Variants in KIF1A observed in about 807,000 individuals in gnomAD.
The protein encoded by KIF1A is kinesin-like protein KIF1A.
A neutral mutation model predicts 227.3 loss-of-function variants in KIF1A; 46 were observed. That is an observed-to-expected ratio of 0.20 (90% CI 0.16 to 0.26). The LOEUF is 0.26. Ranked by LOEUF, KIF1A falls within the 10% of genes least tolerant of loss-of-function variation. The pLI is 1.00. For synonymous variants in KIF1A, 1,022 were observed against 1,012.8 expected (o/e 1.01, Z -0.17); for missense variants, 1,683 against 2,485.9 (o/e 0.68, Z 6.87).
Position 240,758,760 on chromosome 2 carries a change from C to A in KIF1A, c.2445-263G>T, listed in dbSNP as rs763985530. Among the ~76,000 whole-genome samples the A allele has an allele frequency of 2.6e-5, 4 of 152,082 alleles. No individual in the cohort carries two copies. The highest frequency in any genetic ancestry group is 9.7e-5 in the African/African-American group (4 of 41,412). On this transcript the variant is annotated intron_variant, in intron 25 of 48. Transcript: ENST00000498729. This position sits in a 1 kb window ranked among gnomAD's most constrained non-coding sequence, Gnocchi z 5.2. ...TCCCTCCAGGGGGTGGGCTGGGGAA[C>A]AAGCAGTGAGGGGCTAGAGGGGCTG...
chr2:240,796,034 G>A (rs1004535324), intron 2 of KIF1A, among the ~76,000 whole-genome samples: 12 of 152,306 alleles, frequency 7.9e-5, no homozygotes, highest in Admixed American at 7.2e-4. Flanking sequence ...GATTCACAGG[G>A]CCCTCCCTGA....
At chr2:240,781,774 T>G in intron 10 of KIF1A, 1 of 979,968 alleles carries the variant, frequency 1.0e-6, no homozygotes, top group Non-Finnish European at 1.2e-6. Context: ...ACAGGGGCCC[T>G]CAGCTTCCTC....
chr2:240,777,239 T>C (rs2052871874), intron 10 of KIF1A, among the ~76,000 whole-genome samples: 1 of 151,970 alleles, frequency 6.6e-6, no homozygotes, highest in East Asian at 1.9e-4. Context: ...AGAGACAGGG[T>C]TTCACCACGT....
chr2:240,810,428 A>G (rs1202756550), intron 1 of KIF1A, among the ~76,000 whole-genome samples: 1 of 152,180 alleles, frequency 6.6e-6, no homozygotes, highest in East Asian at 1.9e-4. Context: ...GGCACACCAA[A>G]CGCTGTCAGA....
At position 240,757,224 on chromosome 2, in the gene KIF1A, C is replaced by T. The variant is rs1477809586; in HGVS notation, c.2858+95G>A. 7.7e-6 allele frequency: 10 copies of T among 1,303,370 alleles called. No individual in the cohort carries two copies. Among genetic ancestry groups the T allele is most frequent in the African/African-American group, 1.5e-5 (1 of 68,200 alleles). 80.7% of individuals were successfully genotyped at this position (1,303,370 alleles called of 1,614,324 possible). On this transcript the variant is annotated intron_variant, in intron 27 of 48. Coordinates refer to ENST00000498729, the MANE Select transcript of KIF1A (RefSeq NM_001244008.2). This position sits in a 1 kb window ranked among gnomAD's most constrained non-coding sequence, Gnocchi z 6.2. ...CTGCCTCGCCTGCCCTGGGAGGGCC[C>T]GGGCCAGGCCCCAGCGGTTCCTCTG...
intron 38 of KIF1A, among the ~76,000 whole-genome samples, chr2:240,727,634 G>A (rs967267563): frequency 6.6e-6 from 1 of 152,172 alleles, no homozygotes; most frequent in Non-Finnish European, 1.5e-5. Flanking sequence ...AGACAGCGGC[G>A]GCCTCGCTGT....
chr2:240,772,157 C>A (rs1054790399), intron 14 of KIF1A, among the ~76,000 whole-genome samples: 1 of 152,164 alleles, frequency 6.6e-6, no homozygotes, highest in Non-Finnish European at 1.5e-5. Flanking sequence ...CAGATGGAGG[C>A]CTGAGCCAAG....
Position 240,792,918 on chromosome 2 carries a change from G to A in KIF1A, c.107-3606C>T, listed in dbSNP as rs2055900014. On this transcript the variant is annotated intron_variant, in intron 2 of 48. Transcript: ENST00000498729. This position sits in a 1 kb window ranked among gnomAD's most constrained non-coding sequence, Gnocchi z 4.5. Reference sequence around the variant, plus strand: ...AGCCCTCCCACGATCTAGACCTGTGGGCATCTTGATTGGACTTCCGCCTCC... The same window carrying A: ...AGCCCTCCCACGATCTAGACCTGTGAGCATCTTGATTGGACTTCCGCCTCC... Among the ~76,000 whole-genome samples the A allele has an allele frequency of 6.6e-6, 1 of 152,178 alleles. No homozygotes were observed. Among genetic ancestry groups the A allele is most frequent in the Admixed American group, 6.5e-5 (1 of 15,278 alleles).
At chr2:240,811,013 A>G (rs1228127575) in intron 1 of KIF1A, among the ~76,000 whole-genome samples, 1 of 152,128 alleles carries the variant, frequency 6.6e-6, no homozygotes, top group African/African-American at 2.4e-5. Flanking sequence ...CGTTGGTTGT[A>G]ATATTCTGTA....
chr2:240,723,585 C>A, intron 41 of KIF1A, 27 bp from the exon 42 acceptor site: 1 of 1,516,504 alleles, frequency 6.6e-7, no homozygotes, highest in South Asian at 1.2e-5. Flanking sequence ...GACATTCCAC[C>A]CCTACCTGAT....
At chr2:240,776,122 T>C (rs1206603672) in intron 10 of KIF1A, among the ~76,000 whole-genome samples, 196 bp from the exon 11 acceptor site, 12 of 152,138 alleles carry the variant, frequency 7.9e-5, no homozygotes, top group Admixed American at 7.9e-4. Context: ...CCCAGAGGCC[T>C]CCTCTAGGCC....
At chr2:240,799,095 G>T (rs148887216) in intron 1 of KIF1A, among the ~76,000 whole-genome samples, 1 of 152,356 alleles carries the variant, frequency 6.6e-6, no homozygotes, top group East Asian at 1.9e-4. Flanking sequence ...GTGAAGAAGG[G>T]ACAAGCCCCT....
intron 7 of KIF1A, among the ~76,000 whole-genome samples, chr2:240,784,713 C>T (rs898327869): frequency 1.3e-4 from 20 of 152,162 alleles, no homozygotes; most frequent in African/African-American, 4.8e-4. Context: ...TCCTGCTGCC[C>T]CTCCCGTAAG....
intron 38 of KIF1A, among the ~76,000 whole-genome samples, chr2:240,730,134 G>A (rs2046438869): frequency 6.6e-6 from 1 of 152,196 alleles, no homozygotes; most frequent in African/African-American, 2.4e-5. Context: ...ACAAAGGGAG[G>A]ACAAGTCTTA....
intron 28 of KIF1A, chr2:240,748,786 G>C (rs1230466627): frequency 4.8e-6 from 1 of 207,950 alleles, no homozygotes; most frequent in Non-Finnish European, 1.1e-5. Flanking sequence ...TGGCCAGTGG[G>C]AGGTGCTATA....
chr2:240,816,756 C>G (rs2058354932), intron 1 of KIF1A, among the ~76,000 whole-genome samples: 1 of 152,240 alleles, frequency 6.6e-6, no homozygotes, highest in African/African-American at 2.4e-5. Context: ...ATCCACACAT[C>G]CGGATCAATC....
intron 4 of KIF1A, 81 bp from the exon 5 acceptor site, chr2:240,787,397 C>T: frequency 1.6e-6 from 2 of 1,270,388 alleles, no homozygotes; most frequent in East Asian, 2.3e-5. Flanking sequence ...CTGTGGGCAG[C>T]CTGTGCCAGG....
chr2:240,760,699 C>G lies in KIF1A; in HGVS notation c.2410G>C (p.Gly804Arg). 1.3e-6 allele frequency: 2 copies of G among 1,574,516 alleles called. No individual in the cohort carries two copies. Among genetic ancestry groups the G allele is most frequent in the Non-Finnish European group, 1.7e-6 (2 of 1,158,556 alleles). ...TCCAGCGTCCAGTAGTGGGTGGCCC[C>G]GTTCTTCTGGTCCTGGACCTCCACG... is the stretch of plus-strand genomic sequence containing the variant. Reference protein sequence around the residue: ...VAVEVQDQKNGATHYWTLEKL... With the variant: ...VAVEVQDQKNRATHYWTLEKL... The change falls in exon 25 of 49, where the codon GGG (glycine) becomes CGG (arginine). Residue 804 changes from glycine (G) to arginine (R), a missense_variant. Coordinates refer to ENST00000498729, the MANE Select transcript of KIF1A (RefSeq NM_001244008.2).
intron 34 of KIF1A, among the ~76,000 whole-genome samples, chr2:240,742,256 C>T (rs1183422090): frequency 6.6e-6 from 1 of 152,184 alleles, no homozygotes; most frequent in East Asian, 1.9e-4. Flanking sequence ...GCTGCAGAAG[C>T]AGCTTCTCAC....
Sources: allele counts gnomAD v4.1 joint callset (sites outside exome capture counted in the v4.1 genomes callset), GRCh38; gene constraint gnomAD v4.1.1; non-coding constraint Gnocchi (gnomAD v3.1); transcripts MANE v1.5; gene names NCBI Gene and HGNC (gene_info 2026-07-23, HGNC 2026-07-21).